The following CDKAL1 variants were observed in gnomAD, a reference collection of about 807,000 sequenced individuals.
CDKAL1 encodes the protein CDKAL1 threonylcarbamoyladenosine tRNA methylthiotransferase.
In CDKAL1, 32 loss-of-function variants were observed where a neutral mutation model predicts 68.2. The ratio of observed to expected loss-of-function variants is 0.47; its 90% CI spans 0.35 to 0.63. CDKAL1 has a LOEUF of 0.63. Ranked by LOEUF, CDKAL1 falls within the 30% of genes least tolerant of loss-of-function variation. The probability of loss-of-function intolerance (pLI) is 0.00; values close to 1 mark genes in which losing one functional copy is unlikely to be tolerated. For synonymous variants in CDKAL1, 234 were observed against 244.3 expected (o/e 0.96, Z 0.39); for missense variants, 606 against 696.7 (o/e 0.87, Z 1.47).
intron 9 of CDKAL1, among the ~76,000 whole-genome samples, chr6:20,917,842 A>G (rs74835329): frequency 1.1e-4 from 17 of 152,330 alleles, no homozygotes; most frequent in African/African-American, 4.1e-4. Flanking sequence ...AATGACTAAG[A>G]TGATAGTATT....
At chr6:20,803,411 A>C (rs1776445332) in intron 8 of CDKAL1, among the ~76,000 whole-genome samples, 1 of 152,176 alleles carries the variant, frequency 6.6e-6, no homozygotes, top group African/African-American at 2.4e-5. Flanking sequence ...AACTTTGTCA[A>C]ATATCGCCTT....
chr6:20,938,559 A>G (rs1224681275), intron 9 of CDKAL1, among the ~76,000 whole-genome samples: 1 of 152,070 alleles, frequency 6.6e-6, no homozygotes, highest in Non-Finnish European at 1.5e-5. Flanking sequence ...TTTTTTTCCT[A>G]TTAAAATGAA....
chr6:20,682,336 A>G (rs539526190), intron 5 of CDKAL1, among the ~76,000 whole-genome samples: 1 of 152,284 alleles, frequency 6.6e-6, no homozygotes, highest in South Asian at 2.1e-4. Flanking sequence ...ATCAGCCTGT[A>G]TTAGTCTGTT....
At chr6:20,775,566 G>A (rs77208365) in intron 7 of CDKAL1, among the ~76,000 whole-genome samples, 3 of 152,236 alleles carry the variant, frequency 2.0e-5, no homozygotes, top group Non-Finnish European at 2.9e-5. Context: ...CCAAAAATTT[G>A]CCTTTTACCT....
intron 2 of CDKAL1, among the ~76,000 whole-genome samples, chr6:20,544,965 TTGTGTGTGTGTG>T (rs70990042): frequency 6.7e-6 from 1 of 149,368 alleles, no homozygotes; most frequent in Non-Finnish European, 1.5e-5. Context: ...GATTACAGTT[TTGTGTGTGTGTG>T]TGTGTGTGTG....
chr6:21,042,849 C>T (rs16884425), intron 11 of CDKAL1, among the ~76,000 whole-genome samples: 3,157 of 152,174 alleles, frequency 0.021, 107 homozygotes, highest in African/African-American at 0.07. Flanking sequence ...TACGATACTC[C>T]CATTCATAGG....
In CDKAL1 at chr6:21,217,717, C is replaced by T. The variant is rs561699259; in HGVS notation, c.1549-13131C>T. 1.6e-4 allele frequency among the ~76,000 whole-genome samples: 25 copies of T among 152,236 alleles called. 1 individual carries two copies. The East Asian group carries it at 4.3e-3, about 26-fold the overall frequency. ...TTTGCCATGTTGGCCACACTGGTCT[C>T]GAACTCCTGACCTCAAGTGATCCAC... On this transcript the variant is annotated intron_variant, in intron 15 of 15. Coordinates refer to ENST00000274695, the MANE Select transcript of CDKAL1 (RefSeq NM_017774.3).
chr6:20,653,316 G>A (rs1317231111), intron 5 of CDKAL1, among the ~76,000 whole-genome samples: 2 of 152,182 alleles, frequency 1.3e-5, no homozygotes, highest in African/African-American at 4.8e-5. Context: ...AATGGATGTA[G>A]TAGTGTGCAT....
intron 14 of CDKAL1, 71 bp from the exon 15 acceptor site, chr6:21,201,039 T>C: frequency 1.5e-6 from 2 of 1,379,184 alleles, no homozygotes; most frequent in South Asian, 1.4e-5. Flanking sequence ...AATAATTCTA[T>C]AAATCTGAAA....
chr6:20,626,927 G>A (rs1236787750), intron 4 of CDKAL1, among the ~76,000 whole-genome samples: 2 of 152,168 alleles, frequency 1.3e-5, no homozygotes, highest in African/African-American at 2.4e-5. Context: ...CCTCTATCTG[G>A]AAGGAAGGCT....
chr6:21,144,142 T>C (rs1452726905), intron 13 of CDKAL1, among the ~76,000 whole-genome samples: 1 of 152,234 alleles, frequency 6.6e-6, no homozygotes, highest in Non-Finnish European at 1.5e-5. Context: ...TAGTACTTTC[T>C]ACAAAGTACT....
At chr6:20,590,424 G>A (rs561836116) in intron 4 of CDKAL1, among the ~76,000 whole-genome samples, 1 of 151,948 alleles carries the variant, frequency 6.6e-6, no homozygotes, top group Non-Finnish European at 1.5e-5. Flanking sequence ...TCAAAACATA[G>A]GTATACACGT....
chr6:20,720,993 G>A (rs1434800790), intron 5 of CDKAL1, among the ~76,000 whole-genome samples: 1 of 151,978 alleles, frequency 6.6e-6, no homozygotes, highest in Non-Finnish European at 1.5e-5. Flanking sequence ...TTAAGTTCTA[G>A]GGTACATGTG....
At chr6:20,954,678 C>T (rs1481438548) in intron 9 of CDKAL1, among the ~76,000 whole-genome samples, 1 of 152,128 alleles carries the variant, frequency 6.6e-6, no homozygotes, top group Non-Finnish European at 1.5e-5. Flanking sequence ...AAAGTATTTC[C>T]TCTGGACTTT....
At chr6:21,089,677 A>C (rs557781440) in intron 12 of CDKAL1, among the ~76,000 whole-genome samples, 20 of 152,330 alleles carry the variant, frequency 1.3e-4, no homozygotes, top group Middle Eastern at 3.4e-3. Context: ...AAACACCTTC[A>C]AAAGGAAATA....
chr6:21,015,436 C>G (rs1041078137), intron 11 of CDKAL1, among the ~76,000 whole-genome samples: 2 of 152,300 alleles, frequency 1.3e-5, no homozygotes, highest in East Asian at 1.9e-4. Context: ...AACTGTCCAA[C>G]AGTGATTCTT....
At chr6:20,963,204 A>G (rs1313816381) in intron 10 of CDKAL1, among the ~76,000 whole-genome samples, 3 of 152,036 alleles carry the variant, frequency 2.0e-5, no homozygotes, top group Admixed American at 6.6e-5. Context: ...TTGAAATGCT[A>G]CTTCCCCTTA....
chr6:21,082,584 G>T (rs945975203), intron 12 of CDKAL1, among the ~76,000 whole-genome samples: 3 of 152,078 alleles, frequency 2.0e-5, no homozygotes, highest in Non-Finnish European at 4.4e-5. Flanking sequence ...AGAACATTTT[G>T]ACCAAACAAG....
chr6:21,122,686 G>A (rs1774786145), intron 13 of CDKAL1, among the ~76,000 whole-genome samples: 1 of 151,754 alleles, frequency 6.6e-6, no homozygotes, highest in East Asian at 1.9e-4. Flanking sequence ...CCAGGCTAGA[G>A]TACAGTGCCA....
Sources: gnomAD v4.1 joint callset for allele counts (sites outside exome capture counted in the v4.1 genomes callset) on GRCh38, gnomAD v4.1.1 for gene constraint, MANE v1.5 for transcripts, NCBI Gene and HGNC (gene_info 2026-07-23, HGNC 2026-07-21) for gene names.